The following FOXP2 variants were observed in gnomAD, a reference collection of about 807,000 sequenced individuals.
FOXP2 encodes the protein forkhead box protein P2.
A neutral mutation model predicts 115.8 loss-of-function variants in FOXP2; 12 were observed. The ratio of observed to expected loss-of-function variants is 0.10; its 90% CI spans 0.07 to 0.17. The LOEUF is 0.17. FOXP2 is among the 10% of genes least tolerant of loss of function. FOXP2 has a pLI of 1.00. For synonymous variants in FOXP2, 328 were observed against 297.7 expected (o/e 1.10, Z -1.05); for missense variants, 629 against 843.5 (o/e 0.75, Z 3.15).
At chr7:114,219,753 A>G (rs1794573454) in intron 1 of FOXP2, among the ~76,000 whole-genome samples, 1 of 152,038 alleles carries the variant, frequency 6.6e-6, no homozygotes, top group Non-Finnish European at 1.5e-5. Flanking sequence ...CCTTTAATCC[A>G]TACATTTATT....
At chr7:114,465,390 T>G (rs181166638) in intron 2 of FOXP2, among the ~76,000 whole-genome samples, 29 of 152,316 alleles carry the variant, frequency 1.9e-4, no homozygotes, top group African/African-American at 6.0e-4. Context: ...TTAAGAGGTA[T>G]CAGACAATTT....
chr7:114,478,838 C>G (rs1451263204), intron 2 of FOXP2, among the ~76,000 whole-genome samples: 2 of 151,634 alleles, frequency 1.3e-5, no homozygotes, highest in Non-Finnish European at 3.0e-5. Flanking sequence ...TTTTGCCCTT[C>G]TCTCCATTTA....
chr7:114,204,965 C>A (rs1400030233), intron 1 of FOXP2, among the ~76,000 whole-genome samples: 1 of 151,386 alleles, frequency 6.6e-6, no homozygotes, highest in African/African-American at 2.4e-5. Context: ...GAGTTTTCGC[C>A]CAGATCAGAA....
At chr7:114,247,738 G>C (rs934881927) in intron 1 of FOXP2, among the ~76,000 whole-genome samples, 3 of 152,150 alleles carry the variant, frequency 2.0e-5, no homozygotes, top group Non-Finnish European at 4.4e-5. Context: ...GGATATATTA[G>C]CTTTGCCAAC....
rs182741098 is a variant in FOXP2, at chr7:114,117,094, A to T, written c.-247+29256A>T. Among the ~76,000 whole-genome samples, 13 of 152,178 alleles carry T rather than the reference A, an allele frequency of 8.5e-5. No individual in the cohort carries two copies. The East Asian group carries it at 1.7e-3, about 20-fold the overall frequency. The stretch of plus-strand genomic sequence containing the variant: ...TAATTTTTTAGCCTCAGGGGAAAAA[A>T]TTTTACTTTGATTTAGTAAATGTAG... On this transcript the variant is annotated intron_variant, in intron 1 of 19. Transcript: ENST00000635638.
At chr7:114,089,198 A>G (rs1799493753) in intron 1 of FOXP2, among the ~76,000 whole-genome samples, 1 of 152,136 alleles carries the variant, frequency 6.6e-6, no homozygotes, top group Non-Finnish European at 1.5e-5. Flanking sequence ...TTTAATTATG[A>G]TTAAATATAC....
intron 1 of FOXP2, among the ~76,000 whole-genome samples, chr7:114,209,996 C>T (rs1401899527): frequency 6.6e-6 from 1 of 152,200 alleles, no homozygotes; most frequent in Non-Finnish European, 1.5e-5. Context: ...TTATGTTCTT[C>T]TCCATACTGG....
chr7:114,255,635 A>G (rs1463392390), intron 1 of FOXP2, among the ~76,000 whole-genome samples: 1 of 152,108 alleles, frequency 6.6e-6, no homozygotes, highest in African/African-American at 2.4e-5. Context: ...TGTTAAGACC[A>G]TTGGAAAAGC....
chr7:114,283,453 C>A (rs1026462087), intron 1 of FOXP2, among the ~76,000 whole-genome samples: 1 of 152,086 alleles, frequency 6.6e-6, no homozygotes, highest in Non-Finnish European at 1.5e-5. Context: ...TCAAAAGACA[C>A]TTGTTTTATC....
At chr7:114,561,745 T>A (rs1363218151) in intron 3 of FOXP2, among the ~76,000 whole-genome samples, 4 of 152,176 alleles carry the variant, frequency 2.6e-5, no homozygotes, top group African/African-American at 9.7e-5. Context: ...AAAAATGTTC[T>A]CCATGACCTT....
At chr7:114,235,147 T>A (rs890124159) in intron 1 of FOXP2, among the ~76,000 whole-genome samples, 25 of 151,944 alleles carry the variant, frequency 1.6e-4, no homozygotes, top group African/African-American at 5.8e-4. Context: ...TGTTTTTTTT[T>A]AATGAGTGAA....
chr7:114,589,708 C>T (rs1262912581), intron 3 of FOXP2, among the ~76,000 whole-genome samples: 1 of 152,154 alleles, frequency 6.6e-6, no homozygotes, highest in East Asian at 1.9e-4. Context: ...CCAGCCTGCC[C>T]ATTCTCAATG....
At chr7:114,297,365 C>T in intron 2 of FOXP2, 1 of 715,128 alleles carries the variant, frequency 1.4e-6, no homozygotes, top group Non-Finnish European at 2.4e-6. Context: ...TGGGCTTGCT[C>T]ACGTTCTTGG....
In FOXP2 at chr7:114,692,739, T is replaced by C. The variant is rs1343295270; in HGVS notation, c.*2813T>C. 2.2e-6 allele frequency: 1 copy of C among 445,844 alleles called. No individual in the cohort carries two copies. The highest frequency in any genetic ancestry group is 4.5e-6 in the Non-Finnish European group (1 of 223,372). 27.6% of individuals were successfully genotyped at this position (445,844 alleles called of 1,614,324 possible). A position where few individuals can be genotyped will look rare whatever the true frequency, so the allele number is the denominator to read the frequency against. ...TATTCTTGCTTCTATCATAAGCTGA[T>C]TATGGGGACTATGATCTTTTGTATA... On this transcript the variant is annotated 3_prime_UTR_variant, in exon 17 of 17. Coordinates refer to ENST00000350908, the MANE Select transcript of FOXP2 (RefSeq NM_014491.4).
At chr7:114,629,721 A>G (rs1046815475) in intron 4 of FOXP2, 84 bp from the exon 5 acceptor site, 3 of 1,605,432 alleles carry the variant, frequency 1.9e-6, no homozygotes, top group Non-Finnish European at 1.7e-6. Context: ...ATACTCTGCC[A>G]TATGCCAGTC....
At chr7:114,279,476 G>A (rs1473601329) in intron 1 of FOXP2, among the ~76,000 whole-genome samples, 2 of 152,112 alleles carry the variant, frequency 1.3e-5, no homozygotes, top group Non-Finnish European at 2.9e-5. Context: ...AATACTTTCT[G>A]TGAGGTTGGA....
At chr7:114,250,379 C>A (rs945673331) in intron 1 of FOXP2, among the ~76,000 whole-genome samples, 3 of 152,186 alleles carry the variant, frequency 2.0e-5, no homozygotes, top group Non-Finnish European at 2.9e-5. Flanking sequence ...ACACTGACTT[C>A]CACAATGGTT....
intron 2 of FOXP2, among the ~76,000 whole-genome samples, chr7:114,397,816 C>A (rs767706554): frequency 2.6e-5 from 4 of 152,064 alleles, no homozygotes; most frequent in Non-Finnish European, 5.9e-5. Context: ...GCAGGGCTAA[C>A]AATTAGGAGG....
chr7:114,564,919 A>C (rs943346009), intron 3 of FOXP2, among the ~76,000 whole-genome samples: 2 of 151,456 alleles, frequency 1.3e-5, no homozygotes, highest in African/African-American at 4.8e-5. Flanking sequence ...ATTTGTGCCC[A>C]TTACTCAAAA....
Sources: allele counts gnomAD v4.1 joint callset (sites outside exome capture counted in the v4.1 genomes callset), GRCh38; gene constraint gnomAD v4.1.1; transcripts MANE v1.5; gene names NCBI Gene and HGNC (gene_info 2026-07-23, HGNC 2026-07-21).